The following PRRC2B variants were observed in gnomAD, a reference collection of about 807,000 sequenced individuals.
PRRC2B encodes protein PRRC2B.
A neutral mutation model predicts 242.3 loss-of-function variants in PRRC2B; 68 were observed. The ratio of observed to expected loss-of-function variants is 0.28; its 90% confidence interval spans 0.23 to 0.34. PRRC2B has a LOEUF of 0.34. Among genes scored for constraint, PRRC2B ranks in the 10% least tolerant of loss-of-function variants. The pLI is 1.00. For missense variants in PRRC2B, 2,835 were observed against 2,954.8 expected (o/e 0.96, Z 0.94); for synonymous variants, 1,228 against 1,173.6 (o/e 1.05, Z -0.95).
rs1423914371 is a variant in PRRC2B at position 131,487,614 on chromosome 9, G to A, written c.5985-242G>A. 1.3e-5 allele frequency among the ~76,000 whole-genome samples: 2 copies of A among 152,182 alleles called. No individual in the cohort carries two copies. The highest frequency in any genetic ancestry group is 4.8e-5 in the African/African-American group (2 of 41,432). On this transcript the variant is annotated intron_variant, in intron 27 of 31. Coordinates refer to ENST00000683519, the MANE Select transcript of PRRC2B (RefSeq NM_013318.4). The surrounding 1 kb of genome is among the most constrained non-coding windows in gnomAD (Gnocchi z 5.3). ...GGCTTCTCCGTCAGTGTGGCTGCCA[G>A]TCATTGTGGCTGATGTCCTGTGCCT...
chr9:131,399,132 T>A (rs1225049361), intron 1 of PRRC2B, among the ~76,000 whole-genome samples: 1 of 150,836 alleles, frequency 6.6e-6, no homozygotes, highest in Non-Finnish European at 1.5e-5. Flanking sequence ...AAAAATTAGC[T>A]GGATGCCGTG....
Position 131,430,089 on chromosome 9 carries a change from G to A in PRRC2B, c.-51-5G>A. 1.3e-6 allele frequency: 1 copy of A among 758,174 alleles called. No homozygotes were observed. Among genetic ancestry groups the A allele is most frequent in the Non-Finnish European group, 2.2e-6 (1 of 460,052 alleles). 47.0% of individuals were successfully genotyped at this position (758,174 alleles called of 1,614,324 possible). A position where few individuals can be genotyped will look rare whatever the true frequency, so the allele number is the denominator to read the frequency against. ...TTTTTTTTTTCTTCTCTATTTCAAA[G>A]GCAGATCGGGAGCGGTGCCGAGAAA... On this transcript the variant is annotated splice_region_variant and splice_polypyrimidine_tract_variant and intron_variant, in intron 1 of 31. Coordinates refer to ENST00000683519, the MANE Select transcript of PRRC2B (RefSeq NM_013318.4).
intron 18 of PRRC2B, among the ~76,000 whole-genome samples, chr9:131,478,895 T>C (rs1943781296): frequency 1.3e-5 from 2 of 152,130 alleles, no homozygotes; most frequent in Admixed American, 1.3e-4. Flanking sequence ...TGGAAACTTG[T>C]CCAAGGCAAG....
rs369346871 is a variant in PRRC2B, at chr9:131,473,713, C to T, written c.2313C>T (p.Asp771=). The part of the protein sequence containing the change: ...HPKSSDTLAM[D]MRVRNESSFS... Reference sequence around the variant, plus strand: ...AGTCGAGTGACACCTTGGCTATGGACATGCGTGTCAGGTGAGATGAAGCCT... The same window carrying T: ...AGTCGAGTGACACCTTGGCTATGGATATGCGTGTCAGGTGAGATGAAGCCT... Residue 771 remains aspartate (D), a synonymous_variant, in exon 15 of 32, where the codon GAC becomes GAT. Coordinates refer to ENST00000683519, the MANE Select transcript of PRRC2B (RefSeq NM_013318.4). The T allele has an allele frequency of 6.2e-6, 10 of 1,612,866 alleles. No homozygotes were observed. Among genetic ancestry groups the T allele is most frequent in the Non-Finnish European group, 8.5e-6 (10 of 1,179,514 alleles).
At chr9:131,382,950 C>T (rs1040971517) in intron 1 of PRRC2B, among the ~76,000 whole-genome samples, 3 of 152,148 alleles carry the variant, frequency 2.0e-5, no homozygotes, top group African/African-American at 7.2e-5. Flanking sequence ...CAGCCAGGCC[C>T]CCCATTCCTG....
intron 1 of PRRC2B, among the ~76,000 whole-genome samples, chr9:131,419,333 T>C (rs1451733527): frequency 6.6e-6 from 1 of 152,150 alleles, no homozygotes; most frequent in East Asian, 1.9e-4. Flanking sequence ...GTCCTCATGG[T>C]GTTTGAAGGT....
chr9:131,400,762 T>A (rs1837207091), intron 1 of PRRC2B, among the ~76,000 whole-genome samples: 1 of 152,206 alleles, frequency 6.6e-6, no homozygotes, highest in Non-Finnish European at 1.5e-5. Flanking sequence ...CAGTCCTGGT[T>A]AAGCCCTTTG....
intron 25 of PRRC2B, chr9:131,485,737 C>G (rs1439929973): frequency 3.4e-6 from 2 of 582,430 alleles, no homozygotes; most frequent in East Asian, 8.5e-5. Context: ...ATGAAGAGGA[C>G]AGTGACTGAG....
intron 1 of PRRC2B, among the ~76,000 whole-genome samples, chr9:131,403,934 G>C (rs1189531248): frequency 6.6e-6 from 1 of 151,812 alleles, no homozygotes; most frequent in Non-Finnish European, 1.5e-5. Context: ...TTTATTTTCA[G>C]TAATACTTTT....
chr9:131,392,917 CAAAAAAA>C (rs11317627), upstream of PRRC2B, among the ~76,000 whole-genome samples: 6 of 91,918 alleles, frequency 6.5e-5, no homozygotes, highest in East Asian at 8.4e-4. Flanking sequence ...GAGACTGTCT[CAAAAAAA>C]AAAAAAAAGA....
intron 28 of PRRC2B, among the ~76,000 whole-genome samples, chr9:131,490,229 C>T (rs1366969795): frequency 1.3e-5 from 2 of 150,458 alleles, no homozygotes; most frequent in Non-Finnish European, 3.0e-5. Context: ...TGCTCCCCCT[C>T]ACCTCACCCC....
chr9:131,495,950 G>A lies in PRRC2B; in HGVS notation c.*76G>A, dbSNP rs958477702. 1 of 1,561,120 alleles carries A rather than the reference G, an allele frequency of 6.4e-7. No individual in the cohort carries two copies. The highest frequency in any genetic ancestry group is 1.3e-5 in the African/African-American group (1 of 74,098). ...GCGGCCTCGACACAGCCGACACTCG[G>A]GAGCCTCACCAGATCCACCGTCCAA... On this transcript the variant is annotated 3_prime_UTR_variant, in exon 32 of 32. Coordinates refer to ENST00000683519, the MANE Select transcript of PRRC2B (RefSeq NM_013318.4).
At chr9:131,374,784 TC>T (rs1375180341) in intron 1 of PRRC2B, among the ~76,000 whole-genome samples, 6 of 152,158 alleles carry the variant, frequency 3.9e-5, no homozygotes, top group African/African-American at 1.4e-4. Context: ...ATGTTGGCCT[TC>T]CAAAGTGCTG....
Position 131,494,364 on chromosome 9 carries a change from A to C in PRRC2B, c.6474-41A>C. 3.8e-6 allele frequency: 4 copies of C among 1,060,006 alleles called. No homozygotes were observed. Among genetic ancestry groups the C allele is most frequent in the Non-Finnish European group, 5.7e-6 (4 of 702,126 alleles). The allele number at this position is 1,060,006 out of a possible 1,614,324, so 65.7% of individuals were successfully genotyped here. On this transcript the variant is annotated intron_variant, in intron 30 of 31. Transcript: ENST00000683519. This position sits in a 1 kb window ranked among gnomAD's most constrained non-coding sequence, Gnocchi z 4.3. Reference sequence around the variant, plus strand: ...AGGCTTTGACTCCATTTCTGTGGTGACACGTTGTGTATTCTCAACCCCTGC... The same window carrying C: ...AGGCTTTGACTCCATTTCTGTGGTGCCACGTTGTGTATTCTCAACCCCTGC...
intron 14 of PRRC2B, 31 bp downstream of exon 14, chr9:131,471,014 G>T: frequency 2.0e-6 from 3 of 1,524,048 alleles, no homozygotes; most frequent in Non-Finnish European, 2.7e-6. Context: ...GTCCATACCT[G>T]TATCACCCAG....
chr9:131,439,225 C>G (rs1025134004), intron 5 of PRRC2B, among the ~76,000 whole-genome samples, 164 bp downstream of exon 5: 1 of 152,218 alleles, frequency 6.6e-6, no homozygotes, highest in African/African-American at 2.4e-5. Context: ...CGGGCGCTGA[C>G]TCTGTAGAGG....
At chr9:131,486,343 T>C (rs1284419561) in intron 26 of PRRC2B, 161 bp downstream of exon 26, 2 of 434,028 alleles carry the variant, frequency 4.6e-6, no homozygotes, top group Non-Finnish European at 6.1e-6. Flanking sequence ...AGGAGGCATT[T>C]GTTAAGCGAA....
chr9:131,491,830 G>A (rs1944204400), intron 29 of PRRC2B, among the ~76,000 whole-genome samples: 2 of 152,200 alleles, frequency 1.3e-5, no homozygotes, highest in African/African-American at 4.8e-5. Context: ...GGACGGCCAT[G>A]TTTCATTGGC....
In PRRC2B at chr9:131,494,509, C is replaced by T; in HGVS notation, c.6555+23C>T. 7.1e-6 allele frequency: 10 copies of T among 1,402,600 alleles called. No homozygotes were observed. Among genetic ancestry groups the T allele is most frequent in the South Asian group, 3.6e-5 (3 of 82,902 alleles). The allele number at this position is 1,402,600 out of a possible 1,614,324, so 86.9% of individuals were successfully genotyped here. On this transcript the variant is annotated intron_variant, in intron 31 of 31. Coordinates refer to ENST00000683519, the MANE Select transcript of PRRC2B (RefSeq NM_013318.4). This position sits in a 1 kb window ranked among gnomAD's most constrained non-coding sequence, Gnocchi z 4.3. ...CAGGTAGAAGATGGCTTTCCAGACC[C>T]TTCAGCCCTGGACACTTAGGCCCGT...
Sources: gnomAD v4.1 joint callset for allele counts (sites outside exome capture counted in the v4.1 genomes callset) on GRCh38, gnomAD v4.1.1 for gene constraint, Gnocchi (gnomAD v3.1) non-coding constraint, MANE v1.5 for transcripts, NCBI Gene and HGNC (gene_info 2026-07-23, HGNC 2026-07-21) for gene names.